Variants in GRIFIN observed in about 807,000 individuals in gnomAD.
The protein encoded by GRIFIN is putative grifin.
Under a neutral mutation model 18.2 loss-of-function variants are expected in GRIFIN, and 22 were observed. That is an observed-to-expected ratio of 1.21 (90% CI 0.86 to 1.73). The LOEUF (loss-of-function observed/expected upper bound fraction) is 1.73, where lower values mean the gene tolerates loss of function less well. GRIFIN is among the 40% of genes most tolerant of loss of function. The pLI is 0.00. For synonymous variants in GRIFIN, 101 were observed against 82.8 expected, an observed-to-expected ratio of 1.22 and a Z score of -1.19; for missense variants, 200 against 190.1, an observed-to-expected ratio of 1.05 and a Z score of -0.31.
intron 2 of GRIFIN, 31 bp downstream of exon 2, chr7:2,475,889 G>A: frequency 6.3e-7 from 1 of 1,593,886 alleles, no homozygotes; most frequent in African/African-American, 1.3e-5. Context: ...CCCAGCCCAA[G>A]GCCCAGCGAG....
chr7:2,474,791 C>G lies in GRIFIN; in HGVS notation c.*79G>C, dbSNP rs1350861526. 4 of 461,984 alleles carry G rather than the reference C, an allele frequency of 8.7e-6. No individual in the cohort carries two copies. The highest frequency in any genetic ancestry group is 1.5e-5 in the Non-Finnish European group (4 of 261,112). The allele number at this position is 461,984 out of a possible 1,614,324, so 28.6% of individuals were successfully genotyped here. ...GCACACAGGACCACAGACCCCCTCA[C>G]CCAGCTGCCCCAGGGTGGGACTCCA... On this transcript the variant is annotated 3_prime_UTR_variant, in exon 5 of 5. Coordinates refer to ENST00000614228, the MANE Select transcript of GRIFIN (RefSeq NM_001394787.1).
chr7:2,475,480 G>A, intron 3 of GRIFIN, 173 bp from the exon 4 acceptor site: 2 of 1,176,574 alleles, frequency 1.7e-6, no homozygotes, highest in Non-Finnish European at 2.3e-6. Context: ...CTCCCAAGAT[G>A]GGGTGGCTGG....
intron 3 of GRIFIN, 27 bp downstream of exon 3, chr7:2,475,642 C>T: frequency 1.4e-6 from 2 of 1,462,008 alleles, no homozygotes; most frequent in East Asian, 5.0e-5. Flanking sequence ...CCCTGCCTAG[C>T]CCAGGCCCCA....
Position 2,475,696 on chromosome 7 carries a change from G to A in GRIFIN, c.225C>T (p.Phe75=). Residue 75 remains phenylalanine (F), a synonymous_variant, in exon 3 of 5, where the codon TTC becomes TTT. Coordinates refer to ENST00000614228, the MANE Select transcript of GRIFIN (RefSeq NM_001394787.1). The stretch of plus-strand genomic sequence containing the variant: ...CAAAGGGCTCCCCCGGGGCCAGCGG[G>A]AAGATGCTAGACACCTGCTCCGGGC... ...RWGPEQVSSI[F]PLAPGEPFEI... The A allele has an allele frequency of 6.5e-7, 1 of 1,531,768 alleles. No individual in the cohort carries two copies. The highest frequency in any genetic ancestry group is 8.8e-7 in the Non-Finnish European group (1 of 1,140,960). 94.9% of individuals were successfully genotyped at this position (1,531,768 alleles called of 1,614,324 possible). A position where few individuals can be genotyped will look rare whatever the true frequency, so the allele number is the denominator to read the frequency against.
At chr7:2,474,937 C>G in intron 4 of GRIFIN, 52 bp from the exon 5 acceptor site, 1 of 630,170 alleles carries the variant, frequency 1.6e-6, no homozygotes, top group South Asian at 1.9e-5. Flanking sequence ...ATGCACAGAC[C>G]AGGGTGGGAG....
chr7:2,475,382 G>A lies in GRIFIN; in HGVS notation c.253-75C>T, dbSNP rs529692779. On this transcript the variant is annotated intron_variant, in intron 3 of 4. Transcript: ENST00000614228. ...GTCTGGTCCCGCTTTTAACGGTGATGTGCCTGCCGGCCGTCTCCAGGAAGG... is the reference window on the plus strand; with the variant it reads ...GTCTGGTCCCGCTTTTAACGGTGATATGCCTGCCGGCCGTCTCCAGGAAGG... The A allele has an allele frequency of 7.6e-4, 1,134 of 1,487,216 alleles. 15 individuals carry two copies. The African/African-American group carries it at 0.014, about 18-fold the overall frequency. 92.1% of individuals were successfully genotyped at this position (1,487,216 alleles called of 1,614,324 possible). A position where few individuals can be genotyped will look rare whatever the true frequency, so the allele number is the denominator to read the frequency against.
intron 4 of GRIFIN, 121 bp from the exon 5 acceptor site, chr7:2,475,006 G>T: frequency 9.8e-7 from 1 of 1,016,760 alleles, no homozygotes; most frequent in Non-Finnish European, 1.4e-6. Context: ...AGAGGAGCAG[G>T]GTGGGACGCC....
chr7:2,474,864 T>C lies in GRIFIN; in HGVS notation c.*6A>G. 1 of 526,656 alleles carries C rather than the reference T, an allele frequency of 1.9e-6. No individual in the cohort carries two copies. The highest frequency in any genetic ancestry group is 3.4e-6 in the Non-Finnish European group (1 of 294,812). The allele number at this position is 526,656 out of a possible 1,614,324, so 32.6% of individuals were successfully genotyped here. A position where few individuals can be genotyped will look rare whatever the true frequency, so the allele number is the denominator to read the frequency against. On this transcript the variant is annotated 3_prime_UTR_variant, in exon 5 of 5. Coordinates refer to ENST00000614228, the MANE Select transcript of GRIFIN (RefSeq NM_001394787.1). ...CCGAGGCTGGCTCCTGGGGTGCAGGTGTCACTCAGTAGCCCCGGTCCCTGC... is the reference window on the plus strand; with the variant it reads ...CCGAGGCTGGCTCCTGGGGTGCAGGCGTCACTCAGTAGCCCCGGTCCCTGC...
chr7:2,475,287 C>A lies in GRIFIN; in HGVS notation c.273G>T (p.Ala91=). 1 of 1,594,848 alleles carries A rather than the reference C, an allele frequency of 6.3e-7. No individual in the cohort carries two copies. Among genetic ancestry groups the A allele is most frequent in the Non-Finnish European group, 8.5e-7 (1 of 1,178,156 alleles). Residue 91 remains alanine (A), a synonymous_variant, in exon 4 of 5, where the codon GCG becomes GCT. Coordinates refer to ENST00000614228, the MANE Select transcript of GRIFIN (RefSeq NM_001394787.1). ...CCGGGGCGTAGACGTGGAAGTGCTCCGCGTCCCAGCTGACCTCTATCTGGG... is the reference window on the plus strand; with the variant it reads ...CCGGGGCGTAGACGTGGAAGTGCTCAGCGTCCCAGCTGACCTCTATCTGGG... ...EPFEIEVSWD[A]EHFHVYAPEH...
chr7:2,474,961 C>T lies in GRIFIN; in HGVS notation c.420-76G>A. 4.3e-6 allele frequency: 3 copies of T among 694,558 alleles called. No individual in the cohort carries two copies. The South Asian group carries it at 5.5e-5, about 13-fold the overall frequency. 43.0% of individuals were successfully genotyped at this position (694,558 alleles called of 1,614,324 possible). ...CCAGGGTGGGAGGTGGACCATGGCC[C>T]TGCTCCCGTGGCCGGATATGCAGGG... On this transcript the variant is annotated intron_variant, in intron 4 of 4. Coordinates refer to ENST00000614228, the MANE Select transcript of GRIFIN (RefSeq NM_001394787.1).
At position 2,475,840 on chromosome 7, in the gene GRIFIN, A is replaced by G; in HGVS notation, c.93-12T>C. On this transcript the variant is annotated splice_polypyrimidine_tract_variant and intron_variant, in intron 2 of 4. Transcript: ENST00000614228. ...AGTTAGTCTCGAACCTGGGGCGGAC[A>G]TGGTGCGGGTCAAGAGCTGCAAAGA... 3.8e-6 allele frequency: 6 copies of G among 1,575,996 alleles called. No homozygotes were observed. The highest frequency in any genetic ancestry group is 2.3e-5 in the East Asian group (1 of 44,312).
intron 3 of GRIFIN, 77 bp from the exon 4 acceptor site, chr7:2,475,384 G>T (rs1778941237): frequency 2.7e-6 from 4 of 1,480,542 alleles, no homozygotes; most frequent in Non-Finnish European, 2.7e-6. Flanking sequence ...ACGGTGATGT[G>T]CCTGCCGGCC....
At chr7:2,475,874 G>T (rs534886786) in intron 2 of GRIFIN, 46 bp from the exon 3 acceptor site, 1 of 1,586,960 alleles carries the variant, frequency 6.3e-7, no homozygotes, top group South Asian at 1.1e-5. Context: ...GAGCTGGGCC[G>T]GCCACCCAGC....
chr7:2,475,638 C>T, intron 3 of GRIFIN, 31 bp downstream of exon 3: 1 of 1,453,880 alleles, frequency 6.9e-7, no homozygotes, highest in Non-Finnish European at 9.1e-7. Flanking sequence ...CCTTCCCTGC[C>T]TAGCCCAGGC....
At position 2,474,841 on chromosome 7, in the gene GRIFIN, G is replaced by A. The variant is rs551212742; in HGVS notation, c.*29C>T. On this transcript the variant is annotated 3_prime_UTR_variant, in exon 5 of 5. Transcript: ENST00000614228. ...AGGTACCCTGGACATGGGACAAGCC[G>A]AGGCTGGCTCCTGGGGTGCAGGTGT... 29 of 491,232 alleles carry A rather than the reference G, an allele frequency of 5.9e-5. No individual in the cohort carries two copies. The highest frequency in any genetic ancestry group is 5.7e-4 in the East Asian group (19 of 33,160). The allele number at this position is 491,232 out of a possible 1,614,324, so 30.4% of individuals were successfully genotyped here.
rs1778927573 is a variant in GRIFIN, at chr7:2,474,844, G to A, written c.*26C>T. 4 of 494,638 alleles carry A rather than the reference G, an allele frequency of 8.1e-6. No homozygotes were observed. The highest frequency in any genetic ancestry group is 6.7e-5 in the Admixed American group (2 of 29,844). The allele number at this position is 494,638 out of a possible 1,614,324, so 30.6% of individuals were successfully genotyped here. The stretch of plus-strand genomic sequence containing the variant: ...TACCCTGGACATGGGACAAGCCGAG[G>A]CTGGCTCCTGGGGTGCAGGTGTCAC... On this transcript the variant is annotated 3_prime_UTR_variant, in exon 5 of 5. Transcript: ENST00000614228.
Position 2,474,783 on chromosome 7 carries a change from C to G in GRIFIN, c.*87G>C. 2.2e-6 allele frequency: 1 copy of G among 456,858 alleles called. No individual in the cohort carries two copies. 28.3% of individuals were successfully genotyped at this position (456,858 alleles called of 1,614,324 possible). A position where few individuals can be genotyped will look rare whatever the true frequency, so the allele number is the denominator to read the frequency against. ...TGCGAGGAGCACACAGGACCACAGA[C>G]CCCCTCACCCAGCTGCCCCAGGGTG... On this transcript the variant is annotated 3_prime_UTR_variant, in exon 5 of 5. Coordinates refer to ENST00000614228, the MANE Select transcript of GRIFIN (RefSeq NM_001394787.1).
intron 1 of GRIFIN, 166 bp from the exon 2 acceptor site, chr7:2,476,165 G>A (rs1778960958): frequency 5.4e-6 from 2 of 367,178 alleles, no homozygotes; most frequent in South Asian, 1.1e-4. Flanking sequence ...GTGTCTTTGT[G>A]ACAGGGTGAC....
Sources: allele counts gnomAD v4.1 joint callset, GRCh38; gene constraint gnomAD v4.1.1; transcripts MANE v1.5; gene names NCBI Gene and HGNC (gene_info 2026-07-23, HGNC 2026-07-21).